CNTNAP2: variants seen among roughly 807,000 people sequenced by gnomAD.
CNTNAP2 encodes the protein contactin-associated protein-like 2.
CNTNAP2 carries 98 observed loss-of-function variants against 155.2 expected under a neutral mutation model. The ratio of observed to expected loss-of-function variants is 0.63; its 90% CI spans 0.54 to 0.75. CNTNAP2 has a LOEUF of 0.75. Ranked by LOEUF, CNTNAP2 falls within the 30% of genes least tolerant of loss-of-function variation. CNTNAP2 has a pLI of 0.00. For synonymous variants in CNTNAP2, 651 were observed against 631.2 expected (o/e 1.03, Z -0.47); for missense variants, 1,727 against 1,688.1 (o/e 1.02, Z -0.40).
At chr7:147,687,032 T>C (rs148878924) in intron 13 of CNTNAP2, among the ~76,000 whole-genome samples, 82 of 152,198 alleles carry the variant, frequency 5.4e-4, no homozygotes, top group African/African-American at 1.9e-3. Context: ...GTTACTAGTA[T>C]AAATAAAAGA....
intron 4 of CNTNAP2, among the ~76,000 whole-genome samples, chr7:147,073,074 G>T (rs1050978215): frequency 6.7e-6 from 1 of 148,556 alleles, no homozygotes; most frequent in African/African-American, 2.5e-5. Context: ...GGATGGTCTC[G>T]ATCTCCTGAC....
chr7:146,504,320 C>T (rs180811952), intron 1 of CNTNAP2, among the ~76,000 whole-genome samples: 96 of 152,322 alleles, frequency 6.3e-4, no homozygotes, highest in African/African-American at 2.2e-3. Flanking sequence ...AGCCCAGAGA[C>T]ACCCACCATG....
chr7:146,854,258 A>G (rs1454248156), intron 3 of CNTNAP2, among the ~76,000 whole-genome samples: 1 of 152,232 alleles, frequency 6.6e-6, no homozygotes, highest in Non-Finnish European at 1.5e-5. Flanking sequence ...TTGAAGGGTC[A>G]TGGCTAGAAG....
intron 10 of CNTNAP2, among the ~76,000 whole-genome samples, chr7:147,467,538 T>A (rs532326431): frequency 3.1e-4 from 47 of 152,242 alleles, no homozygotes; most frequent in African/African-American, 1.1e-3. Context: ...CTCCAAAATG[T>A]TGCGGGGAGG....
At chr7:146,409,233 A>G (rs146861825) in intron 1 of CNTNAP2, among the ~76,000 whole-genome samples, 207 of 152,324 alleles carry the variant, frequency 1.4e-3, no homozygotes, top group African/African-American at 4.6e-3. Context: ...TTAAATATCT[A>G]AAGGTATAAG....
At chr7:147,512,898 C>T (rs143914442) in intron 11 of CNTNAP2, among the ~76,000 whole-genome samples, 120 of 151,934 alleles carry the variant, frequency 7.9e-4, no homozygotes, top group African/African-American at 2.5e-3. Context: ...TGATGACATG[C>T]TAAGAAACAA....
At chr7:146,330,461 AAT>A (rs1415536098) in intron 1 of CNTNAP2, among the ~76,000 whole-genome samples, 5 of 152,182 alleles carry the variant, frequency 3.3e-5, no homozygotes, top group Admixed American at 1.3e-4. Context: ...GCACACAATC[AAT>A]TGTATGTATA....
At chr7:147,399,804 C>T (rs1433203786) in intron 10 of CNTNAP2, among the ~76,000 whole-genome samples, 1 of 152,080 alleles carries the variant, frequency 6.6e-6, no homozygotes, top group Non-Finnish European at 1.5e-5. Flanking sequence ...TCTTTAGTTA[C>T]ATTTTATAAG....
At chr7:148,333,365 T>C (rs1425719014) in intron 21 of CNTNAP2, among the ~76,000 whole-genome samples, 1 of 151,460 alleles carries the variant, frequency 6.6e-6, no homozygotes, top group Non-Finnish European at 1.5e-5. Context: ...GAGGCAGAGG[T>C]TGCGGTGAGC....
intron 9 of CNTNAP2, among the ~76,000 whole-genome samples, chr7:147,365,064 C>G (rs1262024573): frequency 1.3e-5 from 2 of 151,986 alleles, no homozygotes; most frequent in Non-Finnish European, 1.5e-5. Flanking sequence ...TATTTTTTGT[C>G]ATTCTTTAAT....
intron 1 of CNTNAP2, among the ~76,000 whole-genome samples, chr7:146,360,648 G>A (rs986360387): frequency 6.6e-6 from 1 of 152,124 alleles, no homozygotes; most frequent in Non-Finnish European, 1.5e-5. Context: ...CTGCTCTTGG[G>A]TGATTTGGCC....
At chr7:147,513,793 C>T (rs957316799) in intron 11 of CNTNAP2, among the ~76,000 whole-genome samples, 1 of 152,222 alleles carries the variant, frequency 6.6e-6, no homozygotes, top group African/African-American at 2.4e-5. Context: ...AGTGTATTCC[C>T]ATTAAAATGG....
intron 3 of CNTNAP2, among the ~76,000 whole-genome samples, chr7:146,858,760 G>T (rs983418555): frequency 6.6e-6 from 1 of 152,080 alleles, no homozygotes; most frequent in Non-Finnish European, 1.5e-5. Flanking sequence ...GTTGCTGAAA[G>T]GTAGTCATAT....
chr7:147,807,505 A>T (rs916957822), intron 13 of CNTNAP2, among the ~76,000 whole-genome samples: 1 of 152,012 alleles, frequency 6.6e-6, no homozygotes, highest in Non-Finnish European at 1.5e-5. Context: ...AATTAAAAAT[A>T]AAAAAAATTA....
At chr7:146,633,653 T>C (rs1463629776) in intron 1 of CNTNAP2, among the ~76,000 whole-genome samples, 1 of 151,544 alleles carries the variant, frequency 6.6e-6, no homozygotes, top group African/African-American at 2.4e-5. Context: ...GATGGTACCA[T>C]AGCGTCTCCA....
intron 1 of CNTNAP2, among the ~76,000 whole-genome samples, chr7:146,228,249 T>A (rs139775699): frequency 6.6e-6 from 1 of 152,202 alleles, no homozygotes; most frequent in African/African-American, 2.4e-5. Context: ...TGTTTAGTAG[T>A]AAACACTTTC....
rs747014037 is a variant in CNTNAP2, at chr7:147,132,504, C to T, written c.1343C>T (p.Ser448Phe). Residue 448 changes from serine to phenylalanine, a missense_variant, in exon 8 of 24, where the codon TCC becomes TTC. Ser to Phe is a radical substitution (Grantham distance 155, BLOSUM62 -2). Coordinates refer to ENST00000361727, the MANE Select transcript of CNTNAP2 (RefSeq NM_014141.6). Reference sequence around the variant, plus strand: ...ACCAAGATGAGCCAAATCGATATTTCCTCAGGTCAGTGAAACCTATTTGAC... The same window carrying T: ...ACCAAGATGAGCCAAATCGATATTTTCTCAGGTCAGTGAAACCTATTTGAC... Reference protein sequence around the residue: ...TQTKMSQIDISSGSGLNDGQW... With the variant: ...TQTKMSQIDIFSGSGLNDGQW... The T allele has an allele frequency of 6.2e-7, 1 of 1,613,448 alleles. No individual in the cohort carries two copies. The highest frequency in any genetic ancestry group is 1.7e-5 in the Admixed American group (1 of 59,914).
chr7:147,968,082 G>A (rs1801255765), intron 14 of CNTNAP2, among the ~76,000 whole-genome samples: 1 of 152,102 alleles, frequency 6.6e-6, no homozygotes. Context: ...CATGAAACAC[G>A]TGGAGCCGGC....
chr7:146,418,340 G>A (rs1429575344), intron 1 of CNTNAP2, among the ~76,000 whole-genome samples: 1 of 152,098 alleles, frequency 6.6e-6, no homozygotes, highest in Non-Finnish European at 1.5e-5. Flanking sequence ...AATAACCCCA[G>A]TGAGGATCTC....
Sources: allele counts gnomAD v4.1 joint callset (sites outside exome capture counted in the v4.1 genomes callset), GRCh38; gene constraint gnomAD v4.1.1; transcripts MANE v1.5; gene names NCBI Gene and HGNC (gene_info 2026-07-23, HGNC 2026-07-21).